MGA: variants seen among roughly 807,000 people sequenced by gnomAD.
The protein encoded by MGA is MAX dimerization protein MGA.
In MGA, 40 loss-of-function variants were observed where a neutral mutation model predicts 261.1. The ratio of observed to expected loss-of-function variants is 0.15; its 90% CI spans 0.12 to 0.20. The LOEUF (loss-of-function observed/expected upper bound fraction) is 0.20. Ranked by LOEUF, MGA falls within the 10% of genes least tolerant of loss-of-function variation. MGA has a pLI of 1.00. For synonymous variants in MGA, 1,302 were observed against 1,290.6 expected, an observed-to-expected ratio of 1.01 and a Z score of -0.19; for missense variants, 3,397 against 3,630.5, an observed-to-expected ratio of 0.94 and a Z score of 1.65.
At chr15:41,718,322 CAT>C (rs967246839) in intron 9 of MGA, 17 of 198,186 alleles carry the variant, frequency 8.6e-5, no homozygotes, top group East Asian at 1.4e-4. Flanking sequence ...TATATATATA[CAT>C]ATATATATAC....
At position 41,660,487 on chromosome 15, in the gene MGA, T is replaced by G. The variant is rs1004280847; in HGVS notation, c.-106T>G. On this transcript the variant is annotated 5_prime_UTR_variant, in exon 1 of 24. The change abolishes an upstream ATG in the 5' untranslated region. Transcript: ENST00000219905. The stretch of plus-strand genomic sequence containing the variant: ...ACAGAATAACCCGCCCCCAGCGGGA[T>G]GTGAAGGACTCCGGGTGAGGCCGGC... 2.0e-5 allele frequency: 3 copies of G among 152,884 alleles called. No homozygotes were observed. The highest frequency in any genetic ancestry group is 7.2e-5 in the African/African-American group (3 of 41,442). The allele number at this position is 152,884 out of a possible 1,614,324, so 9.5% of individuals were successfully genotyped here. A position where few individuals can be genotyped will look rare whatever the true frequency, so the allele number is the denominator to read the frequency against.
chr15:41,693,659 A>G (rs1439424653), intron 2 of MGA, among the ~76,000 whole-genome samples: 2 of 152,074 alleles, frequency 1.3e-5, no homozygotes, highest in Non-Finnish European at 2.9e-5. Flanking sequence ...CACTAATGTA[A>G]TATTTTCTGT....
At chr15:41,656,353 T>TCTCTCTCTCTCTCTCTCTCTC (rs1555403741), upstream of MGA, among the ~76,000 whole-genome samples, 1 of 105,306 alleles carries the variant, frequency 9.5e-6, no homozygotes, top group Non-Finnish European at 2.3e-5. Flanking sequence ...CTTCTCTCTC[T>TCTCTCTCTCTCTCTCTCTCTC]CTCTCTCTCT....
chr15:41,672,786 T>C (rs1326053340), intron 2 of MGA, among the ~76,000 whole-genome samples: 1 of 152,108 alleles, frequency 6.6e-6, no homozygotes, highest in East Asian at 1.9e-4. Flanking sequence ...AAGCGTAAAA[T>C]ATTTACTATC....
chr15:41,643,763 CTTTT>C (rs748421290), intron 1 of MGA, among the ~76,000 whole-genome samples: 2 of 138,078 alleles, frequency 1.4e-5, no homozygotes, highest in African/African-American at 2.6e-5. Context: ...TTGTGTCATA[CTTTT>C]TTTTTTTTTT....
At position 41,748,589 on chromosome 15, in the gene MGA, G is replaced by T. The variant is rs1046664815; in HGVS notation, c.5213-48G>T. ...TTATGAATACTTTTTTTTCCTACGT[G>T]TGTTAAAGGGGAATTTGGGTACCAT... On this transcript the variant is annotated intron_variant, in intron 15 of 23. Transcript: ENST00000219905. The T allele has an allele frequency of 1.5e-5, 24 of 1,568,278 alleles. No individual in the cohort carries two copies. The Admixed American group carries it at 2.1e-4, about 14-fold the overall frequency.
chr15:41,665,708 A>G (rs572469116), intron 1 of MGA, among the ~76,000 whole-genome samples: 63 of 152,218 alleles, frequency 4.1e-4, no homozygotes, highest in African/African-American at 1.5e-3. Context: ...TATAATTCAC[A>G]TAACATATAA....
At chr15:41,636,819 G>A (rs141379614) in intron 1 of MGA, among the ~76,000 whole-genome samples, 2 of 152,224 alleles carry the variant, frequency 1.3e-5, no homozygotes, top group East Asian at 1.9e-4. Flanking sequence ...CCAAAGTGCC[G>A]GGATTACAAG....
chr15:41,696,628 G>A lies in MGA; in HGVS notation c.1618G>A (p.Val540Ile), dbSNP rs2059560815. The A allele has an allele frequency of 6.2e-7, 1 of 1,613,520 alleles. No individual in the cohort carries two copies. Among genetic ancestry groups the A allele is most frequent in the Admixed American group, 1.7e-5 (1 of 59,914 alleles). ...AAAACATTCACCAGATCTCAGAGTG[G>A]TACAAAAATATCCCTTACTGAAAGA... The change falls in exon 3 of 24, where the codon GTA becomes ATA. Residue 540 changes from valine (V) to isoleucine (I), a missense_variant. By Grantham distance (29) the Val-to-Ile change is conservative. This residue lies in a region of MGA where 563 missense variants were observed against 563.6 expected (regional missense o/e 1.00). Coordinates refer to ENST00000219905, the MANE Select transcript of MGA (RefSeq NM_001164273.2).
chr15:41,656,795 T>TG (rs1360503713), upstream of MGA, among the ~76,000 whole-genome samples: 1 of 152,058 alleles, frequency 6.6e-6, no homozygotes, highest in East Asian at 1.9e-4. Context: ...GAGACAGGGT[T>TG]GGGGGGTAGG....
In MGA at chr15:41,740,063, A is replaced by G. The variant is rs2062005135; in HGVS notation, c.4445A>G (p.Asn1482Ser). Residue 1482 changes from asparagine (N) to serine (S), a missense_variant, in exon 14 of 24, where the codon AAT (asparagine) becomes AGT (serine). This residue lies in a region of MGA where 1,410 missense variants were observed against 1,386.4 expected (regional missense o/e 1.02). Coordinates refer to ENST00000219905, the MANE Select transcript of MGA (RefSeq NM_001164273.2). ...ACTGTCATCTCCAAGGTAGCATCCAATGCCAAGGTGGCTGCATCCAGGAAA... is the reference window on the plus strand; with the variant it reads ...ACTGTCATCTCCAAGGTAGCATCCAGTGCCAAGGTGGCTGCATCCAGGAAA... 8 of 1,613,902 alleles carry G rather than the reference A, an allele frequency of 5.0e-6. No individual in the cohort carries two copies. Among genetic ancestry groups the G allele is most frequent in the Non-Finnish European group, 6.8e-6 (8 of 1,179,896 alleles).
At position 41,754,565 on chromosome 15, in the gene MGA, G is replaced by T. The variant is rs759954733; in HGVS notation, c.7137G>T (p.Gln2379His). 1 of 1,567,662 alleles carries T rather than the reference G, an allele frequency of 6.4e-7. No individual in the cohort carries two copies. The highest frequency in any genetic ancestry group is 8.6e-7 in the Non-Finnish European group (1 of 1,159,672). ...CGGCCCACACACAGTCATTCAAACAGCCGTAAGTCTTATTTCTCTTTGGAT... is the reference window on the plus strand; with the variant it reads ...CGGCCCACACACAGTCATTCAAACATCCGTAAGTCTTATTTCTCTTTGGAT... The change falls in exon 18 of 24, where the codon CAG (glutamine) becomes CAT (histidine). Residue 2379 changes from glutamine to histidine, a missense_variant and splice_region_variant. Coordinates refer to ENST00000219905, the MANE Select transcript of MGA (RefSeq NM_001164273.2).
Position 41,729,889 on chromosome 15 carries a change from T to TTTTA in MGA, c.3843+556_3843+559dup, listed in dbSNP as rs539286322. On this transcript the variant is annotated intron_variant, in intron 11 of 23. Transcript: ENST00000219905. Reference sequence around the variant, plus strand: ...TCTTTTCTTTTTTGTTATAATAATCTTTTATTTATTTATTTATTTTGAGAT... The same window carrying TTTTA: ...TCTTTTCTTTTTTGTTATAATAATCTTTTATTTATTTATTTATTTATTTTGAGAT... Among the ~76,000 whole-genome samples, 392 of 152,088 alleles carry TTTTA rather than the reference T, an allele frequency of 2.6e-3. 1 individual carries two copies. The highest frequency in any genetic ancestry group is 9.0e-3 in the African/African-American group (373 of 41,496).
At chr15:41,690,786 G>A (rs2059236763) in intron 2 of MGA, among the ~76,000 whole-genome samples, 1 of 151,946 alleles carries the variant, frequency 6.6e-6, no homozygotes, top group Non-Finnish European at 1.5e-5. Flanking sequence ...GGCTAAAGTG[G>A]GAGGATCACT....
chr15:41,679,064 C>T (rs1033726105), intron 2 of MGA, among the ~76,000 whole-genome samples: 5 of 152,064 alleles, frequency 3.3e-5, no homozygotes, highest in African/African-American at 1.2e-4. Context: ...GAGACTGAGT[C>T]TTGCTCTGTT....
At chr15:41,665,705 C>A (rs1158081162) in intron 1 of MGA, among the ~76,000 whole-genome samples, 1 of 152,030 alleles carries the variant, frequency 6.6e-6, no homozygotes, top group African/African-American at 2.4e-5. Context: ...AGATATAATT[C>A]ACATAACATA....
Position 41,733,933 on chromosome 15 carries a change from C to A in MGA, c.3844-589C>A, listed in dbSNP as rs184335741. Among the ~76,000 whole-genome samples the A allele has an allele frequency of 0.026, 783 of 30,680 alleles. 55 individuals are homozygous for A. In the East Asian group the frequency reaches 0.37, roughly 14 times the overall value. The allele number at this position is 30,680 out of a possible 152,430, so 20.1% of individuals were successfully genotyped here. A position where few individuals can be genotyped will look rare whatever the true frequency, so the allele number is the denominator to read the frequency against. On this transcript the variant is annotated intron_variant, in intron 11 of 23. Transcript: ENST00000219905. ...AATTTTGTTTCTTTCTTTTTTTTTT[C>A]GAGATAGGGCCTCACTCTGTCACCC...
intron 2 of MGA, 102 bp downstream of exon 2, chr15:41,670,060 A>C: frequency 3.2e-6 from 3 of 926,022 alleles, no homozygotes; most frequent in Non-Finnish European, 4.8e-6. Context: ...AGATGTTGAT[A>C]AATGTAAGCC....
chr15:41,672,393 G>A (rs1366586627), intron 2 of MGA, among the ~76,000 whole-genome samples: 1 of 152,152 alleles, frequency 6.6e-6, no homozygotes, highest in Non-Finnish European at 1.5e-5. Flanking sequence ...GAGCTGAAGC[G>A]ATCTGTCAGC....
Sources: gnomAD v4.1 joint callset for allele counts (sites outside exome capture counted in the v4.1 genomes callset) on GRCh38, gnomAD v4.1.1 for gene constraint, gnomAD v4.1.1 regional missense constraint, MANE v1.5 for transcripts, NCBI Gene and HGNC (gene_info 2026-07-23, HGNC 2026-07-21) for gene names.